Variants in ERBB4 observed in about 807,000 individuals in gnomAD.
ERBB4 encodes receptor tyrosine-protein kinase erbB-4.
In ERBB4, 42 loss-of-function variants were observed where a neutral mutation model predicts 158.0. The observed-to-expected ratio is 0.27, with a 90% CI of 0.21 to 0.34. The LOEUF (loss-of-function observed/expected upper bound fraction) is 0.34. Among genes scored for constraint, ERBB4 ranks in the 10% least tolerant of loss-of-function variants. The pLI, the probability that ERBB4 is intolerant of heterozygous loss-of-function variation, is 1.00. For missense variants in ERBB4, 1,333 were observed against 1,624.1 expected, an observed-to-expected ratio of 0.82 and a Z score of 3.08; for synonymous variants, 583 against 558.7, an observed-to-expected ratio of 1.04 and a Z score of -0.61.
chr2:211,654,262 T>C (rs1218077098), intron 16 of ERBB4, among the ~76,000 whole-genome samples: 3 of 152,186 alleles, frequency 2.0e-5, no homozygotes, highest in African/African-American at 7.2e-5. Flanking sequence ...AAATCCTTCA[T>C]GTAAATGTCA....
intron 25 of ERBB4, among the ~76,000 whole-genome samples, chr2:211,418,962 T>C (rs1365893425): frequency 6.6e-6 from 1 of 152,076 alleles, no homozygotes. Context: ...AAAAAATAAT[T>C]GAGGTCTCCA....
chr2:212,370,045 T>G (rs1411730733), intron 1 of ERBB4, among the ~76,000 whole-genome samples: 1 of 152,112 alleles, frequency 6.6e-6, no homozygotes, highest in Non-Finnish European at 1.5e-5. Context: ...CTGATTGACA[T>G]GGTTTGGCTC....
intron 1 of ERBB4, among the ~76,000 whole-genome samples, chr2:212,260,309 T>C (rs761024239): frequency 2.0e-4 from 30 of 152,110 alleles, no homozygotes; most frequent in Non-Finnish European, 4.0e-4. Flanking sequence ...AGTAGAGAGC[T>C]GGGGAAAATA....
intron 1 of ERBB4, among the ~76,000 whole-genome samples, chr2:212,307,308 T>A (rs2086846109): frequency 6.6e-6 from 1 of 150,946 alleles, no homozygotes; most frequent in African/African-American, 2.4e-5. Flanking sequence ...GGGTAGTTCC[T>A]CTGACTAAAT....
chr2:212,435,898 AT>A, intron 1 of ERBB4, among the ~76,000 whole-genome samples: 1 of 151,984 alleles, frequency 6.6e-6, no homozygotes, highest in South Asian at 2.1e-4. Context: ...ATATTTAAAT[AT>A]TTTGGTGAAA....
chr2:212,385,783 T>A (rs1248767869), intron 1 of ERBB4, among the ~76,000 whole-genome samples: 3 of 151,842 alleles, frequency 2.0e-5, no homozygotes, highest in Non-Finnish European at 4.4e-5. Context: ...ATCCTATACT[T>A]GAGGTAAAAG....
At chr2:212,497,194 A>C (rs2106224640) in intron 1 of ERBB4, among the ~76,000 whole-genome samples, 1 of 152,074 alleles carries the variant, frequency 6.6e-6, no homozygotes, top group South Asian at 2.1e-4. Flanking sequence ...AAAAAAAAAA[A>C]AAACCCTATA....
intron 2 of ERBB4, among the ~76,000 whole-genome samples, chr2:212,086,123 C>T (rs764855663): frequency 1.8e-4 from 27 of 151,934 alleles, no homozygotes; most frequent in Non-Finnish European, 3.1e-4. Context: ...AATTATGGGG[C>T]AGAAACTGGG....
intron 12 of ERBB4, among the ~76,000 whole-genome samples, chr2:211,683,156 T>A (rs1165416504): frequency 6.6e-6 from 1 of 152,120 alleles, no homozygotes; most frequent in Admixed American, 6.5e-5. Flanking sequence ...TTGTAAGTAA[T>A]GATACAGAGA....
intron 2 of ERBB4, among the ~76,000 whole-genome samples, chr2:212,117,991 G>A (rs1007954211): frequency 1.1e-4 from 17 of 152,094 alleles, no homozygotes; most frequent in African/African-American, 4.1e-4. Context: ...TTTGAAATAT[G>A]TACTCTTCAA....
At chr2:212,345,611 TA>T (rs1200785546) in intron 1 of ERBB4, among the ~76,000 whole-genome samples, 2 of 152,170 alleles carry the variant, frequency 1.3e-5, no homozygotes, top group Non-Finnish European at 2.9e-5. Context: ...GCATGAAATT[TA>T]AAAATATATT....
At chr2:211,469,188 C>T (rs1243723604) in intron 20 of ERBB4, among the ~76,000 whole-genome samples, 1 of 152,140 alleles carries the variant, frequency 6.6e-6, no homozygotes, top group Non-Finnish European at 1.5e-5. Flanking sequence ...CATGGTCCTC[C>T]TTTTCTGCAA....
intron 20 of ERBB4, among the ~76,000 whole-genome samples, chr2:211,447,741 G>T (rs1447825749): frequency 9.9e-5 from 15 of 152,104 alleles, no homozygotes; most frequent in Admixed American, 9.8e-4. Flanking sequence ...TATTGTGGTT[G>T]CATGTAAATG....
chr2:211,499,920 G>A (rs766695368), intron 20 of ERBB4, among the ~76,000 whole-genome samples: 2 of 151,726 alleles, frequency 1.3e-5, no homozygotes, highest in Non-Finnish European at 2.9e-5. Flanking sequence ...TGAAACGTAG[G>A]CACTGTGACT....
At position 212,379,447 on chromosome 2, in the gene ERBB4, C is replaced by T. The variant is rs550505052; in HGVS notation, c.82+159002G>A. 6.5e-4 allele frequency among the ~76,000 whole-genome samples: 98 copies of T among 151,418 alleles called. 1 individual carries two copies. The highest frequency in any genetic ancestry group is 1.0e-3 in the South Asian group (5 of 4,816). On this transcript the variant is annotated intron_variant, in intron 1 of 27. Coordinates refer to ENST00000342788, the MANE Select transcript of ERBB4 (RefSeq NM_005235.3). The stretch of plus-strand genomic sequence containing the variant: ...TGTACCATATATAAATGCAGTATGA[C>T]GAAAAGTTATCAATAAAAAATATGG...
chr2:211,623,589 T>C (rs1298395026), intron 18 of ERBB4, among the ~76,000 whole-genome samples: 1 of 152,058 alleles, frequency 6.6e-6, no homozygotes. Flanking sequence ...TGTGTAGGGG[T>C]AATGGCAAAT....
chr2:212,010,467 G>A (rs2076358707), intron 2 of ERBB4, among the ~76,000 whole-genome samples: 1 of 152,054 alleles, frequency 6.6e-6, no homozygotes, highest in Non-Finnish European at 1.5e-5. Flanking sequence ...CAGAGAGTAA[G>A]TACAAAGATC....
chr2:211,489,960 T>C (rs111366816), intron 20 of ERBB4, among the ~76,000 whole-genome samples: 3,639 of 152,134 alleles, frequency 0.024, 69 homozygotes, highest in Middle Eastern at 0.061. Context: ...ATAGCTTGAA[T>C]GTGTCTCCTC....
At chr2:211,706,628 T>C (rs1291061249) in intron 9 of ERBB4, among the ~76,000 whole-genome samples, 1 of 151,968 alleles carries the variant, frequency 6.6e-6, no homozygotes, top group Non-Finnish European at 1.5e-5. Context: ...AAAAAAACTT[T>C]GCTTGATTAA....
Sources: gnomAD v4.1 joint callset for allele counts (sites outside exome capture counted in the v4.1 genomes callset) on GRCh38, gnomAD v4.1.1 for gene constraint, MANE v1.5 for transcripts, NCBI Gene and HGNC (gene_info 2026-07-23, HGNC 2026-07-21) for gene names.